Variants in FBXL17 observed in about 807,000 individuals in gnomAD.
FBXL17 encodes F-box and leucine rich repeat protein 17.
In FBXL17, 22 loss-of-function variants were observed where a neutral mutation model predicts 66.2. The ratio of observed to expected loss-of-function variants is 0.33; its 90% CI spans 0.24 to 0.47. The LOEUF is 0.47. Among genes scored for constraint, FBXL17 ranks in the 20% least tolerant of loss-of-function variants. The pLI, the probability that FBXL17 is intolerant of heterozygous loss-of-function variation, is 1.00. For synonymous variants in FBXL17, 474 were observed against 400.5 expected, an observed-to-expected ratio of 1.18 and a Z score of -2.19; for missense variants, 878 against 948.2, an observed-to-expected ratio of 0.93 and a Z score of 0.97.
chr5:108,174,519 CA>C (rs1025931166), intron 6 of FBXL17, among the ~76,000 whole-genome samples: 5 of 152,090 alleles, frequency 3.3e-5, no homozygotes, highest in African/African-American at 1.2e-4. Flanking sequence ...AGTGCTTTCA[CA>C]ACTTGATGTT....
At chr5:107,862,080 G>GT (rs1450694844) in intron 8 of FBXL17, among the ~76,000 whole-genome samples, 1 of 152,084 alleles carries the variant, frequency 6.6e-6, no homozygotes, top group Non-Finnish European at 1.5e-5. Flanking sequence ...GATTTTTAAT[G>GT]TAACATCAAG....
intron 4 of FBXL17, among the ~76,000 whole-genome samples, chr5:108,286,502 C>G (rs1179749910): frequency 6.6e-6 from 1 of 151,888 alleles, no homozygotes; most frequent in African/African-American, 2.4e-5. Context: ...AAACAACATC[C>G]AAGCTGAGAG....
At chr5:108,359,311 A>C (rs555840541) in intron 3 of FBXL17, among the ~76,000 whole-genome samples, 8 of 151,836 alleles carry the variant, frequency 5.3e-5, no homozygotes, top group Non-Finnish European at 1.2e-4. Context: ...TATCATGTTT[A>C]TCTCTGGTCT....
intron 6 of FBXL17, among the ~76,000 whole-genome samples, chr5:108,076,268 C>T (rs978048803): frequency 8.5e-5 from 13 of 152,256 alleles, no homozygotes; most frequent in Admixed American, 5.9e-4. Flanking sequence ...ACACCCAGGC[C>T]CTATCTTCCC....
At chr5:108,191,344 C>T (rs1318306536) in intron 5 of FBXL17, among the ~76,000 whole-genome samples, 1 of 152,296 alleles carries the variant, frequency 6.6e-6, no homozygotes, top group Middle Eastern at 3.4e-3. Context: ...ATCTCTCCAT[C>T]ACAACAGTTT....
chr5:107,998,789 G>A (rs1475668840), intron 7 of FBXL17, among the ~76,000 whole-genome samples: 1 of 152,088 alleles, frequency 6.6e-6, no homozygotes, highest in East Asian at 1.9e-4. Context: ...CATTGCTAAA[G>A]TTCTGTCATT....
intron 4 of FBXL17, among the ~76,000 whole-genome samples, chr5:108,290,468 T>G (rs923270553): frequency 3.9e-5 from 6 of 152,182 alleles, no homozygotes; most frequent in Middle Eastern, 3.2e-3. Flanking sequence ...AGCTTTAGTG[T>G]TCTTCAAAAT....
At chr5:108,027,615 T>C (rs1754877897) in intron 6 of FBXL17, among the ~76,000 whole-genome samples, 2 of 152,256 alleles carry the variant, frequency 1.3e-5, no homozygotes, top group African/African-American at 4.8e-5. Context: ...ATGAACATAA[T>C]ACTTATAACC....
At chr5:108,016,786 C>T (rs13168762) in intron 7 of FBXL17, among the ~76,000 whole-genome samples, 40,931 of 130,760 alleles carry the variant, frequency 0.31, 6,815 homozygotes, top group East Asian at 0.44. Flanking sequence ...TTCTTTCTTT[C>T]TTTTTTTTTT....
chr5:108,158,049 T>C (rs544659850), intron 6 of FBXL17, among the ~76,000 whole-genome samples: 33 of 152,214 alleles, frequency 2.2e-4, no homozygotes, highest in Admixed American at 2.0e-3. Flanking sequence ...CAATCAGGTA[T>C]ATAAAGGAAA....
At chr5:108,129,291 T>C (rs1046555711) in intron 6 of FBXL17, among the ~76,000 whole-genome samples, 1 of 152,078 alleles carries the variant, frequency 6.6e-6, no homozygotes, top group Non-Finnish European at 1.5e-5. Flanking sequence ...TATTATGAAA[T>C]CAATGCAATG....
At chr5:108,290,754 T>C (rs1235801907) in intron 4 of FBXL17, among the ~76,000 whole-genome samples, 2 of 152,190 alleles carry the variant, frequency 1.3e-5, no homozygotes, top group Admixed American at 6.5e-5. Context: ...AAAGGTCTTA[T>C]GTATCTTTTG....
chr5:108,013,758 A>G (rs1754270509), intron 7 of FBXL17, among the ~76,000 whole-genome samples: 1 of 152,210 alleles, frequency 6.6e-6, no homozygotes, highest in Admixed American at 6.5e-5. Flanking sequence ...AATGGAATTT[A>G]GAGATCATAT....
chr5:108,017,061 G>A (rs1754417838), intron 7 of FBXL17, among the ~76,000 whole-genome samples: 1 of 152,128 alleles, frequency 6.6e-6, no homozygotes, highest in Non-Finnish European at 1.5e-5. Context: ...TTACAGGGAT[G>A]AGCCACTATG....
chr5:108,330,343 C>A (rs1380775836), intron 4 of FBXL17, among the ~76,000 whole-genome samples: 1 of 152,000 alleles, frequency 6.6e-6, no homozygotes, highest in Non-Finnish European at 1.5e-5. Flanking sequence ...ATCAGCTATA[C>A]CATTTTATCT....
At chr5:107,959,381 A>ACAC in intron 7 of FBXL17, among the ~76,000 whole-genome samples, 1 of 147,886 alleles carries the variant, frequency 6.8e-6, no homozygotes, top group African/African-American at 2.5e-5. Flanking sequence ...GGCTGCTATA[A>ACAC]ACACACACAC....
chr5:107,946,455 A>AATT (rs143145847), intron 7 of FBXL17, among the ~76,000 whole-genome samples: 12,120 of 140,198 alleles, frequency 0.086, 681 homozygotes, highest in Admixed American at 0.13. Flanking sequence ...CACACCTGCC[A>AATT]ATTATTATTA....
At chr5:107,879,472 T>G in intron 8 of FBXL17, 1 of 985,454 alleles carries the variant, frequency 1.0e-6, no homozygotes, top group Non-Finnish European at 1.2e-6. Context: ...TCAGTGCTGT[T>G]GCTTAGTTAC....
At chr5:108,163,398 TC>T (rs1752288485) in intron 6 of FBXL17, among the ~76,000 whole-genome samples, 3 of 92,162 alleles carry the variant, frequency 3.3e-5, no homozygotes, top group Non-Finnish European at 5.0e-5. Flanking sequence ...CTTTTTTTTT[TC>T]TTTTTTTTTT....
Sources: allele counts gnomAD v4.1 joint callset (sites outside exome capture counted in the v4.1 genomes callset), GRCh38; gene constraint gnomAD v4.1.1; transcripts MANE v1.5; gene names NCBI Gene and HGNC (gene_info 2026-07-23, HGNC 2026-07-21).